HADHA: variants seen among roughly 807,000 people sequenced by gnomAD.
HADHA encodes hydroxyacyl-CoA dehydrogenase trifunctional multienzyme complex subunit alpha.
HADHA carries 59 observed loss-of-function variants against 91.3 expected under a neutral mutation model. The observed-to-expected ratio is 0.65, with a 90% CI of 0.52 to 0.80. HADHA has a LOEUF of 0.80. Ranked by LOEUF, HADHA falls within the 30% of genes least tolerant of loss-of-function variation. The pLI, the probability that HADHA is intolerant of heterozygous loss-of-function variation, is 0.00. For missense variants in HADHA, 800 were observed against 927.6 expected, an observed-to-expected ratio of 0.86 and a Z score of 1.79; for synonymous variants, 320 against 338.9, an observed-to-expected ratio of 0.94 and a Z score of 0.61.
At chr2:26,202,760 T>C (rs944270401) in intron 12 of HADHA, among the ~76,000 whole-genome samples, 1 of 152,078 alleles carries the variant, frequency 6.6e-6, no homozygotes, top group Non-Finnish European at 1.5e-5. Context: ...AAACATCAAA[T>C]AAGGTCTTAA....
chr2:26,235,885 C>T (rs1056229216), intron 4 of HADHA, among the ~76,000 whole-genome samples: 1 of 152,138 alleles, frequency 6.6e-6, no homozygotes, highest in African/African-American at 2.4e-5. Context: ...CACCATTTAG[C>T]AGAGGAAAAG....
At chr2:26,232,833 T>C (rs1670655815) in intron 5 of HADHA, among the ~76,000 whole-genome samples, 1 of 152,172 alleles carries the variant, frequency 6.6e-6, no homozygotes, top group South Asian at 2.1e-4. Context: ...AGAGTGTACT[T>C]ACACAAACCC....
rs556725486 is a variant in HADHA, at chr2:26,197,594, C to T, written c.1479+97G>A. The T allele has an allele frequency of 4.3e-5, 33 of 767,606 alleles. No individual in the cohort carries two copies. The East Asian group carries it at 5.4e-4, about 12-fold the overall frequency. 47.5% of individuals were successfully genotyped at this position (767,606 alleles called of 1,614,324 possible). On this transcript the variant is annotated intron_variant, in intron 14 of 19. Transcript: ENST00000380649. ...GTTTAGGAACCACCCGCATCCACTCCGTAATCCACTGTCTCTTCTGTACTC... is the reference window on the plus strand; with the variant it reads ...GTTTAGGAACCACCCGCATCCACTCTGTAATCCACTGTCTCTTCTGTACTC...
At chr2:26,237,067 GATT>G in intron 3 of HADHA, 79 bp from the exon 4 acceptor site, 1 of 992,558 alleles carries the variant, frequency 1.0e-6, no homozygotes. Flanking sequence ...ATGCTATTTT[GATT>G]ATAAGAAATA....
chr2:26,215,635 A>G (rs1670198940), intron 7 of HADHA, among the ~76,000 whole-genome samples: 1 of 152,188 alleles, frequency 6.6e-6, no homozygotes, highest in Non-Finnish European at 1.5e-5. Context: ...TTTTCTTTTC[A>G]GGGATGTGTA....
rs191384588 is a variant in HADHA, at chr2:26,209,669, G to A, written c.1085+111C>T. On this transcript the variant is annotated intron_variant, in intron 11 of 19. Coordinates refer to ENST00000380649, the MANE Select transcript of HADHA (RefSeq NM_000182.5). ...CTCAAATGTGCTCAGGAAAGAAGTT[G>A]AGGGCAAGACTGAATTAAGATACAG... is the stretch of plus-strand genomic sequence containing the variant. 494 of 759,972 alleles carry A rather than the reference G, an allele frequency of 6.5e-4. 2 individuals are homozygous for A. Among genetic ancestry groups the A allele is most frequent in the Admixed American group, 1.6e-3 (88 of 54,016 alleles). 47.1% of individuals were successfully genotyped at this position (759,972 alleles called of 1,614,324 possible). A position where few individuals can be genotyped will look rare whatever the true frequency, so the allele number is the denominator to read the frequency against.
At chr2:26,243,699 A>T (rs1670981924) in intron 1 of HADHA, among the ~76,000 whole-genome samples, 1 of 152,252 alleles carries the variant, frequency 6.6e-6, no homozygotes, top group Non-Finnish European at 1.5e-5. Context: ...TAAGCACAAC[A>T]TGCAATAAAA....
intron 15 of HADHA, 42 bp from the exon 16 acceptor site, chr2:26,194,680 G>C: frequency 7.8e-7 from 1 of 1,275,912 alleles, no homozygotes; most frequent in Non-Finnish European, 1.1e-6. Context: ...CCTGCTGCTG[G>C]GACTGAGTCT....
chr2:26,237,492 C>A (rs1318920321), intron 3 of HADHA, among the ~76,000 whole-genome samples: 2 of 151,966 alleles, frequency 1.3e-5, no homozygotes, highest in African/African-American at 4.8e-5. Context: ...CCGGGCCTGA[C>A]AGCACACGCC....
At chr2:26,223,537 C>T (rs112964683) in intron 7 of HADHA, among the ~76,000 whole-genome samples, 100 of 152,236 alleles carry the variant, frequency 6.6e-4, no homozygotes, top group African/African-American at 2.3e-3. Flanking sequence ...CACACCAAAC[C>T]TGGTACACAG....
At chr2:26,238,898 G>C in intron 3 of HADHA, 36 bp downstream of exon 3, 1 of 1,248,012 alleles carries the variant, frequency 8.0e-7, no homozygotes, top group Non-Finnish European at 1.2e-6. Flanking sequence ...TTCATAATGC[G>C]GTTAGCAGAA....
Position 26,238,934 on chromosome 2 carries a change from C to G in HADHA, c.180G>C (p.Lys60Asn). 6.3e-7 allele frequency: 1 copy of G among 1,588,656 alleles called. No individual in the cohort carries two copies. The highest frequency in any genetic ancestry group is 8.6e-7 in the Non-Finnish European group (1 of 1,158,374). ...AVVRINSPNS[K>N]VNTLSKELHS... is the part of the protein sequence containing the mutation. ...AAAAACTGCAAATTAAATGAGATAC[C>G]TTTGAATTGGGAGAGTTAATTCGAA... Residue 60 changes from lysine (K) to asparagine (N), a missense_variant and splice_region_variant, in exon 3 of 20, where the codon AAG becomes AAC. Transcript: ENST00000380649.
At chr2:26,191,452 G>C (rs917365964) in intron 19 of HADHA, 31 bp downstream of exon 19, 2 of 1,614,178 alleles carry the variant, frequency 1.2e-6, no homozygotes, top group Non-Finnish European at 1.7e-6. Context: ...CCAGGCTAAA[G>C]TGAGCTTCCT....
Position 26,197,745 on chromosome 2 carries a change from G to T in HADHA, c.1425C>A (p.Asn475Lys). The change falls in exon 14 of 20, where the codon AAC becomes AAA. Residue 475 changes from asparagine (N) to lysine (K), a missense_variant. Transcript: ENST00000380649. ...VIPDHCIFAS[N>K]TSALPISEIA... ...TTTCACTGATTGGGAGAGCAGATGT[G>T]TTACTGGCAAAGATACAGTGATCTG... 1.3e-6 allele frequency: 2 copies of T among 1,553,698 alleles called. No homozygotes were observed. The highest frequency in any genetic ancestry group is 1.8e-6 in the Non-Finnish European group (2 of 1,124,686).
At chr2:26,225,924 A>G (rs895720928) in intron 7 of HADHA, among the ~76,000 whole-genome samples, 3 of 152,186 alleles carry the variant, frequency 2.0e-5, no homozygotes, top group African/African-American at 7.2e-5. Flanking sequence ...TACAGACAAC[A>G]TAATTATCTA....
At chr2:26,232,927 A>T (rs1670658781) in intron 5 of HADHA, among the ~76,000 whole-genome samples, 1 of 122,186 alleles carries the variant, frequency 8.2e-6, no homozygotes, top group South Asian at 2.8e-4. Context: ...TTTTGACGCC[A>T]GGGACAGGTT....
At chr2:26,241,448 C>T (rs1303421094) in intron 1 of HADHA, among the ~76,000 whole-genome samples, 3 of 150,716 alleles carry the variant, frequency 2.0e-5, no homozygotes, top group Non-Finnish European at 4.4e-5. Context: ...GGCGAAACCC[C>T]GTCTCTACTA....
At chr2:26,238,860 G>A in intron 3 of HADHA, 74 bp downstream of exon 3, 2 of 894,660 alleles carry the variant, frequency 2.2e-6, no homozygotes, top group South Asian at 2.6e-5. Flanking sequence ...GGGAAATATG[G>A]GATACATCTT....
At chr2:26,216,643 T>G (rs1670228473) in intron 7 of HADHA, among the ~76,000 whole-genome samples, 1 of 151,752 alleles carries the variant, frequency 6.6e-6, no homozygotes, top group African/African-American at 2.4e-5. Context: ...TTTGAACCTG[T>G]GTGGGGAAGG....
Sources: allele counts gnomAD v4.1 joint callset (sites outside exome capture counted in the v4.1 genomes callset), GRCh38; gene constraint gnomAD v4.1.1; transcripts MANE v1.5; gene names NCBI Gene and HGNC (gene_info 2026-07-23, HGNC 2026-07-21).